BHLHE22: variants seen among roughly 807,000 people sequenced by gnomAD.
The protein encoded by BHLHE22 is class E basic helix-loop-helix protein 22.
Under a neutral mutation model 17.6 loss-of-function variants are expected in BHLHE22, and 8 were observed. The observed-to-expected ratio is 0.45, with a 90% CI of 0.27 to 0.82. BHLHE22 has a LOEUF of 0.82. BHLHE22 is among the 40% of genes least tolerant of loss of function. The pLI is 0.16. For synonymous variants in BHLHE22, 353 were observed against 282.7 expected, an observed-to-expected ratio of 1.25 and a Z score of -2.49; for missense variants, 570 against 581.5, an observed-to-expected ratio of 0.98 and a Z score of 0.20.
Position 64,582,396 on chromosome 8 carries a change from G to C in BHLHE22, c.*460G>C, listed in dbSNP as rs1341697126. The C allele has an allele frequency of 5.7e-6, 1 of 176,456 alleles. No individual in the cohort carries two copies. The highest frequency in any genetic ancestry group is 1.3e-5 in the Non-Finnish European group (1 of 75,618). 10.9% of individuals were successfully genotyped at this position (176,456 alleles called of 1,614,324 possible). Reference sequence around the variant, plus strand: ...TTAGGGGTTGGGTAGCATGAGAGATGGAATATTCATTCAGACAAATCAGAA... The same window carrying C: ...TTAGGGGTTGGGTAGCATGAGAGATCGAATATTCATTCAGACAAATCAGAA... On this transcript the variant is annotated 3_prime_UTR_variant, in exon 1 of 1. Transcript: ENST00000321870.
chr8:64,583,290 A>AG lies in BHLHE22; in HGVS notation c.*1355dup. 1 of 167,218 alleles carries AG rather than the reference A, an allele frequency of 6.0e-6. No individual in the cohort carries two copies. Among genetic ancestry groups the AG allele is most frequent in the South Asian group, 2.1e-4 (1 of 4,830 alleles). The allele number at this position is 167,218 out of a possible 1,614,324, so 10.4% of individuals were successfully genotyped here. A position where few individuals can be genotyped will look rare whatever the true frequency, so the allele number is the denominator to read the frequency against. The stretch of plus-strand genomic sequence containing the variant: ...TTTTCTAAAAAAATAAAATTTAAAA[A>AG]GAAAGAAAACTAAGGAAGAACAAGA... On this transcript the variant is annotated 3_prime_UTR_variant, in exon 1 of 1. Coordinates refer to ENST00000321870, the MANE Select transcript of BHLHE22 (RefSeq NM_152414.5).
In BHLHE22 at chr8:64,582,143, A is replaced by G; in HGVS notation, c.*207A>G. 5.7e-6 allele frequency: 2 copies of G among 348,384 alleles called. No homozygotes were observed. The highest frequency in any genetic ancestry group is 1.1e-5 in the Non-Finnish European group (2 of 176,984). 21.6% of individuals were successfully genotyped at this position (348,384 alleles called of 1,614,324 possible). On this transcript the variant is annotated 3_prime_UTR_variant, in exon 1 of 1. Transcript: ENST00000321870. ...ATCTCGGTCTTTGGGGTGGGGAGGGAGGGAGGAGGGAGGTGGAGTTGGGAT... is the reference window on the plus strand; with the variant it reads ...ATCTCGGTCTTTGGGGTGGGGAGGGGGGGAGGAGGGAGGTGGAGTTGGGAT...
chr8:64,582,977 C>A lies in BHLHE22; in HGVS notation c.*1041C>A, dbSNP rs527493220. The A allele has an allele frequency of 6.0e-6, 1 of 166,734 alleles. No homozygotes were observed. The allele number at this position is 166,734 out of a possible 1,614,324, so 10.3% of individuals were successfully genotyped here. On this transcript the variant is annotated 3_prime_UTR_variant, in exon 1 of 1. Coordinates refer to ENST00000321870, the MANE Select transcript of BHLHE22 (RefSeq NM_152414.5). ...ATTTAAATTGAGCTTTAATAAATTG[C>A]TTCAGTCCAAAAATTACAGGAAAGG... is the stretch of plus-strand genomic sequence containing the variant.
At position 64,582,247 on chromosome 8, in the gene BHLHE22, T is replaced by G; in HGVS notation, c.*311T>G. The G allele has an allele frequency of 2.3e-6, 1 of 433,008 alleles. No individual in the cohort carries two copies. Among genetic ancestry groups the G allele is most frequent in the Admixed American group, 4.4e-5 (1 of 22,702 alleles). The allele number at this position is 433,008 out of a possible 1,614,324, so 26.8% of individuals were successfully genotyped here. A position where few individuals can be genotyped will look rare whatever the true frequency, so the allele number is the denominator to read the frequency against. On this transcript the variant is annotated 3_prime_UTR_variant, in exon 1 of 1. Transcript: ENST00000321870. ...AGACCGCGAGGAAGTGGAATCTTCC[T>G]TAAAGGTGAAACATAAGTTGAGAAG...
chr8:64,580,890 G>T lies in BHLHE22; in HGVS notation c.100G>T (p.Ala34Ser). ...CTCCACCTCCAAGCGCTTGGAAGCGGCTTTCCGCTCCACGCCCCCGGGCAT... is the reference window on the plus strand; with the variant it reads ...CTCCACCTCCAAGCGCTTGGAAGCGTCTTTCCGCTCCACGCCCCCGGGCAT... ...SASTSKRLEA[A>S]FRSTPPGMDL... Residue 34 changes from alanine to serine, a missense_variant, in exon 1 of 1, where the codon GCT becomes TCT. Ala to Ser is a moderately conservative substitution (Grantham distance 99, BLOSUM62 1). Transcript: ENST00000321870. 1 of 1,520,882 alleles carries T rather than the reference G, an allele frequency of 6.6e-7. No homozygotes were observed. Among genetic ancestry groups the T allele is most frequent in the Non-Finnish European group, 8.7e-7 (1 of 1,145,072 alleles). The allele number at this position is 1,520,882 out of a possible 1,614,324, so 94.2% of individuals were successfully genotyped here.
Position 64,580,760 on chromosome 8 carries a change from G to C in BHLHE22, c.-31G>C, listed in dbSNP as rs867449999. On this transcript the variant is annotated 5_prime_UTR_variant, in exon 1 of 1. Coordinates refer to ENST00000321870, the MANE Select transcript of BHLHE22 (RefSeq NM_152414.5). ...AGGCGGCGGCGGCGGCAGCGGGCGC[G>C]GCGGCCCGGGCTGCGCGCCGGCGCG... 1.3e-4 allele frequency: 150 copies of C among 1,136,968 alleles called. No homozygotes were observed. Among genetic ancestry groups the C allele is most frequent in the South Asian group, 7.6e-4 (18 of 23,564 alleles). The allele number at this position is 1,136,968 out of a possible 1,614,324, so 70.4% of individuals were successfully genotyped here.
chr8:64,580,784 C>G lies in BHLHE22; in HGVS notation c.-7C>G, dbSNP rs1383361098. 1.5e-6 allele frequency: 2 copies of G among 1,299,138 alleles called. No individual in the cohort carries two copies. The highest frequency in any genetic ancestry group is 2.0e-6 in the Non-Finnish European group (2 of 1,024,120). 80.5% of individuals were successfully genotyped at this position (1,299,138 alleles called of 1,614,324 possible). A position where few individuals can be genotyped will look rare whatever the true frequency, so the allele number is the denominator to read the frequency against. On this transcript the variant is annotated 5_prime_UTR_variant, in exon 1 of 1. Transcript: ENST00000321870. ...CGGCGGCCCGGGCTGCGCGCCGGCG[C>G]GGGACCATGGAGCGCGGGATGCACC...
At position 64,581,270 on chromosome 8, in the gene BHLHE22, G is replaced by A. The variant is rs1276919065; in HGVS notation, c.480G>A (p.Leu160=). The A allele has an allele frequency of 6.9e-7, 1 of 1,443,224 alleles. No individual in the cohort carries two copies. The highest frequency in any genetic ancestry group is 1.5e-5 in the South Asian group (1 of 68,422). 89.4% of individuals were successfully genotyped at this position (1,443,224 alleles called of 1,614,324 possible). ...DDSDGRCELV[L]RAGVADPRAS... is the part of the protein sequence containing the mutation. ...GCGACGGTCGCTGCGAGCTCGTGCT[G>A]CGGGCCGGAGTAGCCGACCCGCGGG... Residue 160 remains leucine, a synonymous_variant, in exon 1 of 1, where the codon CTG becomes CTA. Coordinates refer to ENST00000321870, the MANE Select transcript of BHLHE22 (RefSeq NM_152414.5). The surrounding 1 kb of genome is among the most constrained non-coding windows in gnomAD (Gnocchi z 6.4).
Position 64,581,600 on chromosome 8 carries a change from C to A in BHLHE22, c.810C>A (p.Pro270=). 1 of 1,612,920 alleles carries A rather than the reference C, an allele frequency of 6.2e-7. No individual in the cohort carries two copies. Among genetic ancestry groups the A allele is most frequent in the East Asian group, 2.2e-5 (1 of 44,838 alleles). The part of the protein sequence containing the change: ...DALDELRAVI[P]YAHSPSVRKL... ...TGGACGAGCTGCGCGCGGTGATCCC[C>A]TACGCGCACAGCCCCTCGGTGCGAA... Residue 270 remains proline, a synonymous_variant, in exon 1 of 1, where the codon CCC becomes CCA. Coordinates refer to ENST00000321870, the MANE Select transcript of BHLHE22 (RefSeq NM_152414.5). This position sits in a 1 kb window ranked among gnomAD's most constrained non-coding sequence, Gnocchi z 6.4.
chr8:64,581,315 T>C lies in BHLHE22; in HGVS notation c.525T>C (p.Gly175=), dbSNP rs1431640572. Residue 175 remains glycine, a synonymous_variant, in exon 1 of 1, where the codon GGT becomes GGC. Transcript: ENST00000321870. The surrounding 1 kb of genome is among the most constrained non-coding windows in gnomAD (Gnocchi z 6.4). Reference sequence around the variant, plus strand: ...CGCGGGCCTCCCCGGGAGCGGGAGGTGGTGGCGCGAAGGCAGCCGAGGGCT... The same window carrying C: ...CGCGGGCCTCCCCGGGAGCGGGAGGCGGTGGCGCGAAGGCAGCCGAGGGCT... ...ADPRASPGAG[G]GGAKAAEGCS... The C allele has an allele frequency of 1.4e-6, 2 of 1,426,160 alleles. No individual in the cohort carries two copies. Among genetic ancestry groups the C allele is most frequent in the Non-Finnish European group, 1.8e-6 (2 of 1,103,454 alleles). The allele number at this position is 1,426,160 out of a possible 1,614,324, so 88.3% of individuals were successfully genotyped here. A position where few individuals can be genotyped will look rare whatever the true frequency, so the allele number is the denominator to read the frequency against.
Position 64,581,349 on chromosome 8 carries a change from G to T in BHLHE22, c.559G>T (p.Ala187Ser), listed in dbSNP as rs1384682154. 1 of 1,469,104 alleles carries T rather than the reference G, an allele frequency of 6.8e-7. No homozygotes were observed. Among genetic ancestry groups the T allele is most frequent in the South Asian group, 1.4e-5 (1 of 72,370 alleles). 91.0% of individuals were successfully genotyped at this position (1,469,104 alleles called of 1,614,324 possible). The change falls in exon 1 of 1, where the codon GCC becomes TCC. Residue 187 changes from alanine to serine, a missense_variant. Physicochemically the swap from Ala to Ser is moderately conservative, Grantham distance 99. Coordinates refer to ENST00000321870, the MANE Select transcript of BHLHE22 (RefSeq NM_152414.5). The surrounding 1 kb of genome is among the most constrained non-coding windows in gnomAD (Gnocchi z 6.4). ...GAAGGCAGCCGAGGGCTGCTCCAATGCCCACCTCCACGGCGGCGCCAGCGT... is the reference window on the plus strand; with the variant it reads ...GAAGGCAGCCGAGGGCTGCTCCAATTCCCACCTCCACGGCGGCGCCAGCGT... ...GAKAAEGCSN[A>S]HLHGGASVPP...
In BHLHE22 at chr8:64,581,466, A is replaced by AGCGGCG; in HGVS notation, c.678_679insGGCGGC (p.Ser226_Ser227insGlyGly). 8.1e-7 allele frequency: 1 copy of AGCGGCG among 1,231,906 alleles called. No homozygotes were observed. Among genetic ancestry groups the AGCGGCG allele is most frequent in the Non-Finnish European group, 1.1e-6 (1 of 900,406 alleles). 76.3% of individuals were successfully genotyped at this position (1,231,906 alleles called of 1,614,324 possible). On this transcript the variant is annotated inframe_insertion, in exon 1 of 1. Transcript: ENST00000321870. The surrounding 1 kb of genome is among the most constrained non-coding windows in gnomAD (Gnocchi z 6.4). ...CGGTAGCGGTAGCGGCAGCGGCGGC[A>AGCGGCG]GCAGCAGCAGCAGCAGCAGCAGCAG...
chr8:64,580,950 C>A lies in BHLHE22; in HGVS notation c.160C>A (p.Pro54Thr). 6.9e-7 allele frequency: 1 copy of A among 1,456,644 alleles called. No homozygotes were observed. Among genetic ancestry groups the A allele is most frequent in the East Asian group, 2.8e-5 (1 of 35,638 alleles). 90.2% of individuals were successfully genotyped at this position (1,456,644 alleles called of 1,614,324 possible). A position where few individuals can be genotyped will look rare whatever the true frequency, so the allele number is the denominator to read the frequency against. The change falls in exon 1 of 1, where the codon CCG (proline) becomes ACG (threonine). Residue 54 changes from proline to threonine, a missense_variant. Pro to Thr is a conservative substitution (Grantham distance 38). Coordinates refer to ENST00000321870, the MANE Select transcript of BHLHE22 (RefSeq NM_152414.5). The part of the protein sequence containing the change: ...LSLAPPPRER[P>T]ASSSSSPLGC... ...CCTGGCGCCGCCGCCTCGGGAACGC[C>A]CGGCGTCCTCCTCCTCGTCGCCCCT...
chr8:64,582,675 A>G lies in BHLHE22; in HGVS notation c.*739A>G, dbSNP rs1419903876. The G allele has an allele frequency of 6.0e-6, 1 of 167,062 alleles. No individual in the cohort carries two copies. The highest frequency in any genetic ancestry group is 2.4e-5 in the African/African-American group (1 of 41,432). The allele number at this position is 167,062 out of a possible 1,614,324, so 10.3% of individuals were successfully genotyped here. A position where few individuals can be genotyped will look rare whatever the true frequency, so the allele number is the denominator to read the frequency against. On this transcript the variant is annotated 3_prime_UTR_variant, in exon 1 of 1. Coordinates refer to ENST00000321870, the MANE Select transcript of BHLHE22 (RefSeq NM_152414.5). ...TAAAAATATTTATGTGCACCTTGTT[A>G]CTTTCTACTCTGCAATGATGTATTA...
chr8:64,581,629 T>C lies in BHLHE22; in HGVS notation c.839T>C (p.Leu280Pro). ...PYAHSPSVRK[L>P]SKIATLLLAK... Reference sequence around the variant, plus strand: ...GCGCACAGCCCCTCGGTGCGAAAGCTCTCCAAGATCGCCACGCTGCTGCTC... The same window carrying C: ...GCGCACAGCCCCTCGGTGCGAAAGCCCTCCAAGATCGCCACGCTGCTGCTC... Residue 280 changes from leucine to proline, a missense_variant, in exon 1 of 1, where the codon CTC (leucine) becomes CCC (proline). Leu to Pro is a moderately conservative substitution (Grantham distance 98, BLOSUM62 -3). Around this residue, in one of 3 missense-constraint regions of BHLHE22, gnomAD observed 32 missense variants for 83.3 expected, o/e 0.38. Coordinates refer to ENST00000321870, the MANE Select transcript of BHLHE22 (RefSeq NM_152414.5). The surrounding 1 kb of genome is among the most constrained non-coding windows in gnomAD (Gnocchi z 6.4). The C allele has an allele frequency of 6.2e-7, 1 of 1,613,072 alleles. No individual in the cohort carries two copies. Among genetic ancestry groups the C allele is most frequent in the Non-Finnish European group, 8.5e-7 (1 of 1,179,814 alleles).
rs1804933050 is a variant in BHLHE22 at position 64,583,448 on chromosome 8, AAATT to A, written c.*1513_*1516del. Reference sequence around the variant, plus strand: ...ATTTTCCACTCCTTGCAGATAATACAAATTCAGTTTGTCAGGTTGGATGGTGAGT... The same window carrying A: ...ATTTTCCACTCCTTGCAGATAATACACAGTTTGTCAGGTTGGATGGTGAGT... On this transcript the variant is annotated 3_prime_UTR_variant, in exon 1 of 1. Coordinates refer to ENST00000321870, the MANE Select transcript of BHLHE22 (RefSeq NM_152414.5). 1.8e-5 allele frequency: 3 copies of A among 167,088 alleles called. No homozygotes were observed. The highest frequency in any genetic ancestry group is 7.2e-5 in the African/African-American group (3 of 41,440). 10.4% of individuals were successfully genotyped at this position (167,088 alleles called of 1,614,324 possible). A position where few individuals can be genotyped will look rare whatever the true frequency, so the allele number is the denominator to read the frequency against.
Position 64,581,277 on chromosome 8 carries a change from G to A in BHLHE22, c.487G>A (p.Gly163Arg). The A allele has an allele frequency of 1.4e-6, 2 of 1,439,850 alleles. No homozygotes were observed. The highest frequency in any genetic ancestry group is 1.5e-5 in the South Asian group (1 of 67,964). The allele number at this position is 1,439,850 out of a possible 1,614,324, so 89.2% of individuals were successfully genotyped here. Residue 163 changes from glycine to arginine, a missense_variant, in exon 1 of 1, where the codon GGA (glycine) becomes AGA (arginine). Physicochemically the swap from Gly to Arg is moderately radical, Grantham distance 125. Around this residue, in one of 3 missense-constraint regions of BHLHE22, gnomAD observed 427 missense variants for 376.2 expected, o/e 1.14. Transcript: ENST00000321870. The surrounding 1 kb of genome is among the most constrained non-coding windows in gnomAD (Gnocchi z 6.4). ...DGRCELVLRA[G>R]VADPRASPGA... The stretch of plus-strand genomic sequence containing the variant: ...TCGCTGCGAGCTCGTGCTGCGGGCC[G>A]GAGTAGCCGACCCGCGGGCCTCCCC...
At position 64,581,298 on chromosome 8, in the gene BHLHE22, T is replaced by C; in HGVS notation, c.508T>C (p.Ser170Pro). Residue 170 changes from serine (S) to proline (P), a missense_variant, in exon 1 of 1, where the codon TCC (serine) becomes CCC (proline). Physicochemically the swap from Ser to Pro is moderately conservative, Grantham distance 74 (BLOSUM62 -1). This residue lies in a region of BHLHE22 where 427 missense variants were observed against 376.2 expected (regional missense o/e 1.14). Coordinates refer to ENST00000321870, the MANE Select transcript of BHLHE22 (RefSeq NM_152414.5). This position sits in a 1 kb window ranked among gnomAD's most constrained non-coding sequence, Gnocchi z 6.4. ...GGCCGGAGTAGCCGACCCGCGGGCC[T>C]CCCCGGGAGCGGGAGGTGGTGGCGC... ...LRAGVADPRASPGAGGGGAKA... is the reference protein window; with the variant it reads ...LRAGVADPRAPPGAGGGGAKA... 7.0e-7 allele frequency: 1 copy of C among 1,427,650 alleles called. No individual in the cohort carries two copies. The highest frequency in any genetic ancestry group is 1.5e-5 in the African/African-American group (1 of 66,796). The allele number at this position is 1,427,650 out of a possible 1,614,324, so 88.4% of individuals were successfully genotyped here. A position where few individuals can be genotyped will look rare whatever the true frequency, so the allele number is the denominator to read the frequency against.
rs937054157 is a variant in BHLHE22 at position 64,582,259 on chromosome 8, C to T, written c.*323C>T. ...AGTGGAATCTTCCTTAAAGGTGAAA[C>T]ATAAGTTGAGAAGTAGTGCTTGGTT... On this transcript the variant is annotated 3_prime_UTR_variant, in exon 1 of 1. Coordinates refer to ENST00000321870, the MANE Select transcript of BHLHE22 (RefSeq NM_152414.5). 5 of 405,282 alleles carry T rather than the reference C, an allele frequency of 1.2e-5. No individual in the cohort carries two copies. The highest frequency in any genetic ancestry group is 1.8e-5 in the Non-Finnish European group (4 of 216,584). The allele number at this position is 405,282 out of a possible 1,614,324, so 25.1% of individuals were successfully genotyped here.
Sources: gnomAD v4.1 joint callset for allele counts on GRCh38, gnomAD v4.1.1 for gene constraint, gnomAD v4.1.1 regional missense constraint, Gnocchi (gnomAD v3.1) non-coding constraint, MANE v1.5 for transcripts, NCBI Gene and HGNC (gene_info 2026-07-23, HGNC 2026-07-21) for gene names.